GRIK4: variants seen among roughly 807,000 people sequenced by gnomAD.
The protein encoded by GRIK4 is glutamate receptor ionotropic, kainate 4.
Under a neutral mutation model 104.9 loss-of-function variants are expected in GRIK4, and 40 were observed. That is an observed-to-expected ratio of 0.38 (90% CI 0.30 to 0.50). The LOEUF is 0.50. Among genes scored for constraint, GRIK4 ranks in the 20% least tolerant of loss-of-function variants. The probability of loss-of-function intolerance (pLI) is 0.93; values close to 1 mark genes in which losing one functional copy is unlikely to be tolerated. For missense variants in GRIK4, 1,047 were observed against 1,308.1 expected, an observed-to-expected ratio of 0.80 and a Z score of 3.08; for synonymous variants, 485 against 524.9, an observed-to-expected ratio of 0.92 and a Z score of 1.04.
chr11:120,623,866 G>T (rs1949220295), intron 1 of GRIK4, among the ~76,000 whole-genome samples: 1 of 152,082 alleles, frequency 6.6e-6, no homozygotes, highest in South Asian at 2.1e-4. Flanking sequence ...CCCATCCAGG[G>T]GCCCTCAGAG....
At chr11:120,613,280 T>C (rs911979586) in intron 1 of GRIK4, among the ~76,000 whole-genome samples, 1 of 152,230 alleles carries the variant, frequency 6.6e-6, no homozygotes, top group Non-Finnish European at 1.5e-5. Context: ...TTCCTGTTTC[T>C]CTGTGTCTTG....
chr11:120,824,775 C>T (rs1246973716), intron 6 of GRIK4, among the ~76,000 whole-genome samples: 3 of 150,598 alleles, frequency 2.0e-5, no homozygotes, highest in Non-Finnish European at 4.4e-5. Flanking sequence ...GTCTCGAACC[C>T]CTGACCTCAG....
intron 1 of GRIK4, among the ~76,000 whole-genome samples, chr11:120,553,437 T>G (rs545878869): frequency 6.6e-6 from 1 of 152,040 alleles, no homozygotes; most frequent in East Asian, 1.9e-4. Flanking sequence ...GGGGAGAACA[T>G]TTTCAGAGGA....
chr11:120,948,215 T>C (rs910514951), intron 14 of GRIK4, among the ~76,000 whole-genome samples: 4 of 152,300 alleles, frequency 2.6e-5, no homozygotes, highest in Admixed American at 1.3e-4. Flanking sequence ...TGATTGACCA[T>C]TGGGCACTGC....
At chr11:120,786,132 T>C (rs1321295040) in intron 3 of GRIK4, among the ~76,000 whole-genome samples, 2 of 152,166 alleles carry the variant, frequency 1.3e-5, no homozygotes, top group Non-Finnish European at 2.9e-5. Flanking sequence ...GGCCCCATCA[T>C]CATCAGTGTC....
rs184074087 is a variant in GRIK4, at chr11:120,536,515, G to T, written c.-159+24628G>T. Among the ~76,000 whole-genome samples, 6 of 152,260 alleles carry T rather than the reference G, an allele frequency of 3.9e-5. No homozygotes were observed. The East Asian group carries it at 7.7e-4, about 20-fold the overall frequency. Reference sequence around the variant, plus strand: ...TGGAACATTGATTACAGATTGGGGGGGCCTGGAGAGAGGTCACATTTATCT... The same window carrying T: ...TGGAACATTGATTACAGATTGGGGGTGCCTGGAGAGAGGTCACATTTATCT... On this transcript the variant is annotated intron_variant, in intron 1 of 20. Coordinates refer to ENST00000527524, the MANE Select transcript of GRIK4 (RefSeq NM_014619.5).
intron 13 of GRIK4, among the ~76,000 whole-genome samples, chr11:120,911,002 C>CGAA (rs770605344): frequency 6.0e-4 from 92 of 152,106 alleles, no homozygotes; most frequent in Non-Finnish European, 2.4e-4. Flanking sequence ...GGGTAGATTC[C>CGAA]ATTTCAGCAA....
At chr11:120,909,589 T>C (rs1344924890) in intron 13 of GRIK4, among the ~76,000 whole-genome samples, 2 of 152,164 alleles carry the variant, frequency 1.3e-5, no homozygotes. Flanking sequence ...AGGGTATGTA[T>C]GGACAGGGCT....
chr11:120,637,777 C>T lies in GRIK4; in HGVS notation c.-158-15908C>T, dbSNP rs192854947. ...AAGCCGACACTGCAGAATGCCCCTT[C>T]TTTCTCCTGGGCCCCTTTGCCTACA... On this transcript the variant is annotated intron_variant, in intron 1 of 20. Transcript: ENST00000527524. Among the ~76,000 whole-genome samples the T allele has an allele frequency of 9.0e-3, 1,364 of 152,254 alleles. 5 individuals are homozygous for T. The highest frequency in any genetic ancestry group is 0.02 in the South Asian group (94 of 4,814).
At chr11:120,733,266 G>T (rs112324902) in intron 3 of GRIK4, among the ~76,000 whole-genome samples, 4 of 152,238 alleles carry the variant, frequency 2.6e-5, no homozygotes, top group African/African-American at 9.6e-5. Context: ...GTTATTTTGT[G>T]CATTCAAGCA....
At chr11:120,558,956 G>A (rs979917790) in intron 1 of GRIK4, among the ~76,000 whole-genome samples, 2 of 152,178 alleles carry the variant, frequency 1.3e-5, no homozygotes, top group Non-Finnish European at 2.9e-5. Flanking sequence ...CCATGGTGAT[G>A]CTGAAGGGCA....
At chr11:120,759,298 T>C (rs1453632023) in intron 3 of GRIK4, among the ~76,000 whole-genome samples, 1 of 152,158 alleles carries the variant, frequency 6.6e-6, no homozygotes, top group Non-Finnish European at 1.5e-5. Context: ...AGTAAATGAA[T>C]TGGCTTCCAC....
intron 3 of GRIK4, among the ~76,000 whole-genome samples, chr11:120,697,664 G>T (rs1423296886): frequency 3.9e-5 from 6 of 152,202 alleles, no homozygotes; most frequent in Admixed American, 3.9e-4. Context: ...CCAGAGGAAA[G>T]GTAGCTTCTG....
intron 11 of GRIK4, 96 bp downstream of exon 11, chr11:120,875,339 C>A: frequency 5.0e-6 from 4 of 792,854 alleles, no homozygotes; most frequent in Non-Finnish European, 8.8e-6. Context: ...TCCCAGTTAT[C>A]CCCAACAGCA....
intron 3 of GRIK4, among the ~76,000 whole-genome samples, chr11:120,702,273 G>A (rs1334993694): frequency 1.3e-5 from 2 of 152,100 alleles, no homozygotes; most frequent in East Asian, 3.9e-4. Context: ...TTTTTACCTT[G>A]GTACTTACGA....
At chr11:120,626,347 G>A (rs997846934) in intron 1 of GRIK4, among the ~76,000 whole-genome samples, 3 of 152,196 alleles carry the variant, frequency 2.0e-5, no homozygotes, top group Non-Finnish European at 2.9e-5. Context: ...AAATGATTTA[G>A]ATGCGACCTC....
intron 3 of GRIK4, among the ~76,000 whole-genome samples, chr11:120,724,843 C>T (rs765908512): frequency 3.9e-5 from 6 of 152,036 alleles, no homozygotes; most frequent in African/African-American, 7.2e-5. Context: ...ATCATATCAC[C>T]CTCTTCACTC....
intron 14 of GRIK4, among the ~76,000 whole-genome samples, chr11:120,948,595 T>C (rs1943921782): frequency 6.6e-6 from 1 of 152,230 alleles, no homozygotes; most frequent in Non-Finnish European, 1.5e-5. Context: ...TCATGATGCA[T>C]ATATTACAGC....
intron 1 of GRIK4, among the ~76,000 whole-genome samples, chr11:120,541,296 G>A (rs1465921359): frequency 6.6e-6 from 1 of 152,204 alleles, no homozygotes; most frequent in Non-Finnish European, 1.5e-5. Context: ...CAGTTATATT[G>A]GAGCACTTAT....
Sources: allele counts gnomAD v4.1 joint callset (sites outside exome capture counted in the v4.1 genomes callset), GRCh38; gene constraint gnomAD v4.1.1; transcripts MANE v1.5; gene names NCBI Gene and HGNC (gene_info 2026-07-23, HGNC 2026-07-21).